Variants in FHIP1A observed in about 807,000 individuals in gnomAD.
The protein encoded by FHIP1A is FHF complex subunit HOOK interacting protein 1A, also known as FHF complex subunit HOOK-interacting protein 1A.
In FHIP1A, 61 loss-of-function variants were observed where a neutral mutation model predicts 88.6. The observed-to-expected ratio is 0.69, with a 90% CI of 0.56 to 0.85. The LOEUF is 0.85. Ranked by LOEUF, FHIP1A falls within the 40% of genes least tolerant of loss-of-function variation. The pLI is 0.00. For synonymous variants in FHIP1A, 478 were observed against 496.0 expected (o/e 0.96, Z 0.48); for missense variants, 1,154 against 1,273.5 (o/e 0.91, Z 1.43).
chr4:151,527,305 C>T (rs969718404), intron 3 of FHIP1A, among the ~76,000 whole-genome samples: 2 of 152,204 alleles, frequency 1.3e-5, no homozygotes, highest in Admixed American at 6.5e-5. Flanking sequence ...GCAGATCACT[C>T]GCGGTTAGGA....
Position 151,415,730 on chromosome 4 carries a change from G to A in FHIP1A, c.-356+6265G>A, listed in dbSNP as rs1243059323. On this transcript the variant is annotated intron_variant, in intron 1 of 13. Transcript: ENST00000435205. The stretch of plus-strand genomic sequence containing the variant: ...TTCTTTCTGAATGCACAAGACTGAA[G>A]ACAGAAATTATTAATAGATGACCAG... Among the ~76,000 whole-genome samples the A allele has an allele frequency of 2.0e-5, 3 of 152,134 alleles. No homozygotes were observed. The East Asian group carries it at 5.8e-4, about 29-fold the overall frequency.
chr4:151,530,980 G>A (rs1050189337), intron 3 of FHIP1A, among the ~76,000 whole-genome samples: 5 of 152,098 alleles, frequency 3.3e-5, no homozygotes, highest in Non-Finnish European at 7.3e-5. Context: ...CCAAAGTGGG[G>A]AGCTGTTAAC....
chr4:151,504,675 G>A (rs1324073909), intron 3 of FHIP1A, among the ~76,000 whole-genome samples: 2 of 152,172 alleles, frequency 1.3e-5, no homozygotes, highest in Non-Finnish European at 2.9e-5. Context: ...AGGCAGAAGT[G>A]CAGTGGTGCG....
rs1043389897 is a variant in FHIP1A at position 151,638,154 on chromosome 4, A to C, written c.1147-523A>C. On this transcript the variant is annotated intron_variant, in intron 8 of 13. Transcript: ENST00000435205. ...CTCAGCACAATGGGAAATGGAACCA[A>C]GGAAAATGCCCCAAAGCCAAGAGAG... is the stretch of plus-strand genomic sequence containing the variant. 3.3e-5 allele frequency among the ~76,000 whole-genome samples: 5 copies of C among 152,350 alleles called. No individual in the cohort carries two copies. In the East Asian group the frequency reaches 9.6e-4, roughly 29 times the overall value.
chr4:151,637,659 C>A lies in FHIP1A; in HGVS notation c.1147-1018C>A, dbSNP rs370015055. On this transcript the variant is annotated intron_variant, in intron 8 of 13. Transcript: ENST00000435205. ...GAAAGGTTTCTTAAGGGAGGCGATGCCTAAGCTAAGACTTTGAGAATAGAT... is the reference window on the plus strand; with the variant it reads ...GAAAGGTTTCTTAAGGGAGGCGATGACTAAGCTAAGACTTTGAGAATAGAT... 3.3e-5 allele frequency among the ~76,000 whole-genome samples: 5 copies of A among 152,202 alleles called. No homozygotes were observed. In the South Asian group the frequency reaches 6.2e-4, roughly 19 times the overall value.
intron 1 of FHIP1A, among the ~76,000 whole-genome samples, chr4:151,452,628 C>G (rs1185406466): frequency 6.6e-6 from 1 of 151,856 alleles, no homozygotes; most frequent in Non-Finnish European, 1.5e-5. Context: ...TATATATAAA[C>G]TAGCTGGGTG....
At chr4:151,597,905 G>A (rs181657743) in intron 7 of FHIP1A, among the ~76,000 whole-genome samples, 105 of 152,218 alleles carry the variant, frequency 6.9e-4, no homozygotes, top group African/African-American at 2.2e-3. Context: ...GTCCCAGGTC[G>A]ACTTCAGACT....
At chr4:151,472,208 G>A (rs904879099) in intron 2 of FHIP1A, among the ~76,000 whole-genome samples, 15 of 152,062 alleles carry the variant, frequency 9.9e-5, no homozygotes, top group African/African-American at 2.9e-4. Context: ...TTAGAGTCTG[G>A]TGACCTATGA....
At chr4:151,507,516 G>A (rs751845136) in intron 3 of FHIP1A, among the ~76,000 whole-genome samples, 12 of 152,148 alleles carry the variant, frequency 7.9e-5, no homozygotes, top group Non-Finnish European at 1.5e-4. Flanking sequence ...CATTTAATAT[G>A]TGTATTTATT....
chr4:151,521,897 A>T (rs1412719480), intron 3 of FHIP1A, among the ~76,000 whole-genome samples: 1 of 151,676 alleles, frequency 6.6e-6, no homozygotes, highest in African/African-American at 2.4e-5. Flanking sequence ...GCTAATTTTT[A>T]AAATTTTTTG....
chr4:151,462,826 T>A (rs1729186293), intron 2 of FHIP1A, among the ~76,000 whole-genome samples: 1 of 152,192 alleles, frequency 6.6e-6, no homozygotes, highest in South Asian at 2.1e-4. Context: ...CTTTCTCTGA[T>A]GTTTACCTGA....
chr4:151,420,989 C>G (rs1003976500), intron 1 of FHIP1A, among the ~76,000 whole-genome samples: 2 of 152,184 alleles, frequency 1.3e-5, no homozygotes, highest in Non-Finnish European at 2.9e-5. Context: ...CTAGAGCCAA[C>G]TTTTCTAAGA....
chr4:151,621,826 G>A (rs950991998), intron 7 of FHIP1A, among the ~76,000 whole-genome samples: 3 of 151,236 alleles, frequency 2.0e-5, no homozygotes, highest in African/African-American at 4.9e-5. Flanking sequence ...ATCACTTTTC[G>A]AGGTTGCCAT....
At chr4:151,588,458 A>G (rs907704172) in intron 6 of FHIP1A, among the ~76,000 whole-genome samples, 2 of 152,196 alleles carry the variant, frequency 1.3e-5, no homozygotes, top group Non-Finnish European at 2.9e-5. Context: ...AGAAGAAAGT[A>G]AGGGGCAAAA....
At chr4:151,601,319 T>A (rs545884039) in intron 7 of FHIP1A, among the ~76,000 whole-genome samples, 1 of 151,534 alleles carries the variant, frequency 6.6e-6, no homozygotes, top group Non-Finnish European at 1.5e-5. Context: ...GTGGAAAAGG[T>A]GGAGAGTAGA....
chr4:151,499,296 C>T (rs187754830), intron 3 of FHIP1A, among the ~76,000 whole-genome samples: 3 of 152,270 alleles, frequency 2.0e-5, no homozygotes, highest in African/African-American at 7.2e-5. Context: ...TCTGTTCTGT[C>T]TATGTGACTT....
At chr4:151,542,683 C>T (rs1732341039) in intron 3 of FHIP1A, among the ~76,000 whole-genome samples, 1 of 152,182 alleles carries the variant, frequency 6.6e-6, no homozygotes, top group African/African-American at 2.4e-5. Flanking sequence ...GCTGTCATTA[C>T]TCGGTTCCAT....
chr4:151,524,871 G>T (rs1731575112), intron 3 of FHIP1A, among the ~76,000 whole-genome samples: 1 of 152,186 alleles, frequency 6.6e-6, no homozygotes, highest in Non-Finnish European at 1.5e-5. Flanking sequence ...TGTTCGACAT[G>T]TAGAAACTTG....
Position 151,585,128 on chromosome 4 carries a change from C to A in FHIP1A, c.733-1513C>A. On this transcript the variant is annotated intron_variant, in intron 5 of 13. Transcript: ENST00000435205. Reference sequence around the variant, plus strand: ...TTTTCTTGAATGTTTCCATCTCATTCGAGGCCATTGTCACCTCAGGGTTTG... The same window carrying A: ...TTTTCTTGAATGTTTCCATCTCATTAGAGGCCATTGTCACCTCAGGGTTTG... Among the ~76,000 whole-genome samples the A allele has an allele frequency of 1.3e-5, 2 of 151,984 alleles. 1 individual carries two copies. The highest frequency in any genetic ancestry group is 2.9e-5 in the Non-Finnish European group (2 of 68,010).
Sources: allele counts gnomAD v4.1 joint callset (sites outside exome capture counted in the v4.1 genomes callset), GRCh38; gene constraint gnomAD v4.1.1; transcripts MANE v1.5; gene names NCBI Gene and HGNC (gene_info 2026-07-23, HGNC 2026-07-21).